The following MIS18A variants were observed in gnomAD, a reference collection of about 807,000 sequenced individuals.
MIS18A encodes MIS18 kinetochore protein A.
MIS18A carries 14 observed loss-of-function variants against 25.0 expected under a neutral mutation model. The ratio of observed to expected loss-of-function variants is 0.56; its 90% confidence interval spans 0.37 to 0.88. The LOEUF is 0.88. Ranked by LOEUF, MIS18A falls within the 40% of genes least tolerant of loss-of-function variation. The probability of loss-of-function intolerance (pLI) is 0.00; values close to 1 mark genes in which losing one functional copy is unlikely to be tolerated. For synonymous variants in MIS18A, 134 were observed against 118.6 expected (o/e 1.13, Z -0.84); for missense variants, 292 against 290.8 (o/e 1.00, Z -0.03).
chr21:32,206,073 G>A, the MIS18A span, among the ~76,000 whole-genome samples: 1 of 152,096 alleles, frequency 6.6e-6, no homozygotes, highest in African/African-American at 2.4e-5. Context: ...TAGTCACCAG[G>A]TCCTCCAGGC....
chr21:32,206,722 C>G, the MIS18A span, among the ~76,000 whole-genome samples: 5 of 152,112 alleles, frequency 3.3e-5, no homozygotes, highest in African/African-American at 1.2e-4. Context: ...AGGCTCTGAA[C>G]TGCAAACAGC....
the MIS18A span, among the ~76,000 whole-genome samples, chr21:32,195,802 T>G: frequency 0.07 from 10,690 of 152,058 alleles, 538 homozygotes; most frequent in South Asian, 0.16. Context: ...GGTGGATACC[T>G]TGAGGTCAGG....
chr21:32,184,535 C>T, the MIS18A span, among the ~76,000 whole-genome samples: 3 of 152,160 alleles, frequency 2.0e-5, no homozygotes, highest in Non-Finnish European at 2.9e-5. Flanking sequence ...CCAATTATCA[C>T]CCTTAATGGT....
intron 1 of MIS18A, among the ~76,000 whole-genome samples, chr21:32,275,484 G>A (rs2031792857): frequency 7.2e-5 from 11 of 152,066 alleles, no homozygotes; most frequent in Admixed American, 7.2e-4. Context: ...TAACTGAGAG[G>A]GTCCTCAGGA....
chr21:32,255,189 T>C, the MIS18A span, among the ~76,000 whole-genome samples: 3 of 152,174 alleles, frequency 2.0e-5, no homozygotes, highest in Non-Finnish European at 4.4e-5. Flanking sequence ...CAGTTTTCTG[T>C]AGAATCTTCT....
chr21:32,193,929 T>C, the MIS18A span, among the ~76,000 whole-genome samples: 1 of 152,166 alleles, frequency 6.6e-6, no homozygotes. Context: ...GTCCTATGAT[T>C]GTGGGATGTT....
At chr21:32,234,759 A>G in the MIS18A span, among the ~76,000 whole-genome samples, 1 of 152,114 alleles carries the variant, frequency 6.6e-6, no homozygotes, top group Non-Finnish European at 1.5e-5. Flanking sequence ...AAGCTTCCTG[A>G]GGCCTCACTA....
At chr21:32,173,589 C>T in the MIS18A span, among the ~76,000 whole-genome samples, 2 of 152,114 alleles carry the variant, frequency 1.3e-5, no homozygotes, top group Non-Finnish European at 2.9e-5. Flanking sequence ...TATATACATA[C>T]TCTGGAATGT....
chr21:32,266,078 T>C (rs564895699), downstream of MIS18A, among the ~76,000 whole-genome samples: 2 of 152,084 alleles, frequency 1.3e-5, no homozygotes, highest in South Asian at 4.2e-4. Context: ...AGCTCAAGGA[T>C]TGTAAATACA....
chr21:32,203,613 C>CTTTTTTTTTTTT, the MIS18A span, among the ~76,000 whole-genome samples: 14 of 85,376 alleles, frequency 1.6e-4, 1 homozygote, highest in South Asian at 4.8e-4. Context: ...TTTTTAAATG[C>CTTTTTTTTTTTT]TTTTTTTTTT....
At chr21:32,163,571 G>A in the MIS18A span, among the ~76,000 whole-genome samples, 1 of 152,136 alleles carries the variant, frequency 6.6e-6, no homozygotes, top group African/African-American at 2.4e-5. Flanking sequence ...TTTGACACAG[G>A]AGCCAAGAAA....
the MIS18A span, among the ~76,000 whole-genome samples, chr21:32,154,901 C>T: frequency 1.3e-5 from 2 of 152,056 alleles, no homozygotes; most frequent in Non-Finnish European, 2.9e-5. Flanking sequence ...AGTAAAAAGG[C>T]CAGCAGAAAA....
At chr21:32,243,485 A>G in the MIS18A span, among the ~76,000 whole-genome samples, 7 of 152,258 alleles carry the variant, frequency 4.6e-5, no homozygotes, top group Non-Finnish European at 8.8e-5. Context: ...AAAGATGTTT[A>G]TCATAGTCAT....
the MIS18A span, among the ~76,000 whole-genome samples, chr21:32,185,185 G>C: frequency 1.3e-5 from 2 of 152,030 alleles, no homozygotes; most frequent in Admixed American, 6.6e-5. Flanking sequence ...TACTAATGGG[G>C]ATCCCACCTC....
chr21:32,227,374 A>G, the MIS18A span, among the ~76,000 whole-genome samples: 78 of 152,166 alleles, frequency 5.1e-4, no homozygotes, highest in African/African-American at 1.9e-3. Flanking sequence ...GATATAGGGA[A>G]TGTTACTACT....
chr21:32,204,445 C>T, the MIS18A span, among the ~76,000 whole-genome samples: 1 of 151,562 alleles, frequency 6.6e-6, no homozygotes, highest in Non-Finnish European at 1.5e-5. Context: ...TGCAGTGAGC[C>T]AAGATCCCGC....
At chr21:32,156,323 A>G in the MIS18A span, 1 of 152,112 alleles carries the variant, frequency 6.6e-6, no homozygotes, top group Non-Finnish European at 1.5e-5. Context: ...CCATTAATAT[A>G]GAGGTAGCTT....
the MIS18A span, among the ~76,000 whole-genome samples, chr21:32,220,233 C>T: frequency 6.6e-6 from 1 of 152,200 alleles, no homozygotes; most frequent in Non-Finnish European, 1.5e-5. Flanking sequence ...AGAGCTCCAG[C>T]TGGCATCTGG....
At chr21:32,258,089 C>T in the MIS18A span, among the ~76,000 whole-genome samples, 1 of 152,078 alleles carries the variant, frequency 6.6e-6, no homozygotes, top group Non-Finnish European at 1.5e-5. Flanking sequence ...GTCCTTATTC[C>T]GGAAGACTGC....
Sources: gnomAD v4.1 joint callset for allele counts (sites outside exome capture counted in the v4.1 genomes callset) on GRCh38, gnomAD v4.1.1 for gene constraint, MANE v1.5 for transcripts, NCBI Gene and HGNC (gene_info 2026-07-23, HGNC 2026-07-21) for gene names.